Variants in MYO7A observed in about 807,000 individuals in gnomAD.
MYO7A encodes unconventional myosin-VIIa.
Under a neutral mutation model 263.8 loss-of-function variants are expected in MYO7A, and 210 were observed. The ratio of observed to expected loss-of-function variants is 0.80; its 90% CI spans 0.71 to 0.89. The LOEUF (loss-of-function observed/expected upper bound fraction) is 0.89. MYO7A is among the 40% of genes least tolerant of loss of function. The pLI is 0.00. For synonymous variants in MYO7A, 1,239 were observed against 1,197.3 expected, an observed-to-expected ratio of 1.03 and a Z score of -0.72; for missense variants, 2,820 against 2,968.3, an observed-to-expected ratio of 0.95 and a Z score of 1.16.
Position 77,133,861 on chromosome 11 carries a change from T to C in MYO7A, c.18+3209T>C, listed in dbSNP as rs142825464. On this transcript the variant is annotated intron_variant, in intron 2 of 48. Transcript: ENST00000409709. ...ATTGACATTTTTTTCTAAAGTACTG[T>C]TTTGATTCTCATTTACTCTTCTGTG... Among the ~76,000 whole-genome samples, 10 of 152,366 alleles carry C rather than the reference T, an allele frequency of 6.6e-5. No homozygotes were observed. The East Asian group carries it at 1.7e-3, about 26-fold the overall frequency.
At position 77,192,961 on chromosome 11, in the gene MYO7A, G is replaced by GGTGATGGTGGAGGTAGTT. The variant is rs1426996955; in HGVS notation, c.4152+701_4152+718dup. Among the ~76,000 whole-genome samples, 8 of 42,090 alleles carry GGTGATGGTGGAGGTAGTT rather than the reference G, an allele frequency of 1.9e-4. 1 individual carries two copies. Among genetic ancestry groups the GGTGATGGTGGAGGTAGTT allele is most frequent in the African/African-American group, 1.0e-3 (8 of 7,898 alleles). 27.6% of individuals were successfully genotyped at this position (42,090 alleles called of 152,430 possible). ...TGATGGTGGAGGTAGTGATGGTGTT[G>GGTGATGGTGGAGGTAGTT]GTGATGGTGGAGGTAGTTGTGATGG... is the stretch of plus-strand genomic sequence containing the variant. On this transcript the variant is annotated intron_variant, in intron 31 of 48. Coordinates refer to ENST00000409709, the MANE Select transcript of MYO7A (RefSeq NM_000260.4).
intron 15 of MYO7A, among the ~76,000 whole-genome samples, chr11:77,166,549 G>A (rs1266607064): frequency 6.6e-6 from 1 of 152,124 alleles, no homozygotes; most frequent in Non-Finnish European, 1.5e-5. Flanking sequence ...TGGCACAGAG[G>A]GCATGTCTGT....
intron 25 of MYO7A, among the ~76,000 whole-genome samples, 168 bp downstream of exon 25, chr11:77,182,768 G>A (rs1451357628): frequency 2.6e-5 from 4 of 152,256 alleles, no homozygotes; most frequent in Non-Finnish European, 2.9e-5. Context: ...ACAAATGTGT[G>A]CAACTTTTAT....
chr11:77,193,750 C>T (rs1297134599), intron 31 of MYO7A, among the ~76,000 whole-genome samples: 1 of 152,148 alleles, frequency 6.6e-6, no homozygotes, highest in Non-Finnish European at 1.5e-5. Context: ...CCCTGGGGAG[C>T]TCTAGGTAGG....
chr11:77,129,893 G>C (rs1242623321), intron 1 of MYO7A, among the ~76,000 whole-genome samples: 1 of 152,220 alleles, frequency 6.6e-6, no homozygotes, highest in Non-Finnish European at 1.5e-5. Context: ...AAGTATAAGG[G>C]TAGGAAAGGG....
rs753630781 is a variant in MYO7A at position 77,192,177 on chromosome 11, T to C, written c.4051T>C (p.Phe1351Leu). ...GAGGCTCTTCTTCCGCAAAGAGGTC[T>C]TCACGCCCTGGCACAGCCCCTCCGA... ...PWRLFFRKEV[F>L]TPWHSPSEDN... Residue 1351 changes from phenylalanine to leucine, a missense_variant, in exon 31 of 49, where the codon TTC becomes CTC. Physicochemically the swap from Phe to Leu is conservative, Grantham distance 22. Transcript: ENST00000409709. 3.1e-6 allele frequency: 5 copies of C among 1,613,904 alleles called. No individual in the cohort carries two copies. The highest frequency in any genetic ancestry group is 4.2e-6 in the Non-Finnish European group (5 of 1,179,914).
At chr11:77,190,591 G>A (rs113932275) in intron 29 of MYO7A, 106 bp from the exon 30 acceptor site, 452 of 1,179,514 alleles carry the variant, frequency 3.8e-4, no homozygotes, top group Non-Finnish European at 4.6e-4. Context: ...TGGGGCCTGG[G>A]GTGCTGGGGC....
At chr11:77,175,561 T>G (rs1371846832) in intron 18 of MYO7A, 97 bp downstream of exon 18, 3 of 1,124,874 alleles carry the variant, frequency 2.7e-6, no homozygotes, top group Non-Finnish European at 4.0e-6. Context: ...TGCTGGGGCT[T>G]TGAGATCCTT....
intron 2 of MYO7A, among the ~76,000 whole-genome samples, chr11:77,134,781 C>CTTTT (rs34558738): frequency 1.6e-5 from 2 of 124,566 alleles, no homozygotes; most frequent in African/African-American, 3.0e-5. Flanking sequence ...TACCACTTAA[C>CTTTT]TTTTTTTTTT....
rs886863100 is a variant in MYO7A, at chr11:77,147,716, G to C, written c.133-82G>C. ...TTACCCGGGTTGGCACTCACCCCGC[G>C]CTCCCGCCCGTCCCGGCCCCTTCCC... is the stretch of plus-strand genomic sequence containing the variant. On this transcript the variant is annotated intron_variant, in intron 3 of 48. Transcript: ENST00000409709. 8.1e-5 allele frequency: 126 copies of C among 1,555,830 alleles called. No homozygotes were observed. The East Asian group carries it at 2.5e-3, about 31-fold the overall frequency.
At chr11:77,182,824 A>C (rs1955363477) in intron 25 of MYO7A, among the ~76,000 whole-genome samples, 1 of 152,274 alleles carries the variant, frequency 6.6e-6, no homozygotes, top group Non-Finnish European at 1.5e-5. Flanking sequence ...ATGGCAGAGC[A>C]GACAGGGGCT....
At position 77,211,238 on chromosome 11, in the gene MYO7A, CGAG is replaced by C; in HGVS notation, c.6144_6146del (p.Glu2048del). On this transcript the variant is annotated inframe_deletion, in exon 45 of 49. Coordinates refer to ENST00000409709, the MANE Select transcript of MYO7A (RefSeq NM_000260.4). ...GGGCGCTGATCTACAGGGTCAAGTTCGAGGAGGACAAGTCCTACTTCCCCAGCA... is the reference window on the plus strand; with the variant it reads ...GGGCGCTGATCTACAGGGTCAAGTTCGAGGACAAGTCCTACTTCCCCAGCA... The C allele has an allele frequency of 6.3e-7, 1 of 1,586,510 alleles. No homozygotes were observed. The highest frequency in any genetic ancestry group is 8.6e-7 in the Non-Finnish European group (1 of 1,166,664).
Position 77,131,146 on chromosome 11 carries a change from C to T in MYO7A, c.18+494C>T, listed in dbSNP as rs542866286. On this transcript the variant is annotated intron_variant, in intron 2 of 48. Transcript: ENST00000409709. Reference sequence around the variant, plus strand: ...CTGAGTCCTCCAGCCCCCCTTCCTACTGAGGGCCACAGTGGCCTCTGACCC... The same window carrying T: ...CTGAGTCCTCCAGCCCCCCTTCCTATTGAGGGCCACAGTGGCCTCTGACCC... Among the ~76,000 whole-genome samples, 9 of 152,364 alleles carry T rather than the reference C, an allele frequency of 5.9e-5. No individual in the cohort carries two copies. The South Asian group carries it at 1.9e-3, about 32-fold the overall frequency.
chr11:77,189,494 G>GA, intron 28 of MYO7A, 24 bp downstream of exon 28: 2 of 1,613,386 alleles, frequency 1.2e-6, no homozygotes, highest in Non-Finnish European at 1.7e-6. Context: ...TGGCCTCCTG[G>GA]AGTGGGAAGG....
At chr11:77,145,911 C>T (rs1465062324) in intron 3 of MYO7A, among the ~76,000 whole-genome samples, 2 of 152,212 alleles carry the variant, frequency 1.3e-5, no homozygotes, top group Non-Finnish European at 2.9e-5. Context: ...TGGGGTCTGT[C>T]CATGACTGAC....
chr11:77,142,111 G>A (rs549585318), intron 2 of MYO7A, among the ~76,000 whole-genome samples: 22 of 152,310 alleles, frequency 1.4e-4, no homozygotes, highest in Non-Finnish European at 2.6e-4. Context: ...TGAGTAGTGC[G>A]AGTCAGGCCC....
rs183468580 is a variant in MYO7A at position 77,207,693 on chromosome 11, A to G, written c.5856+291A>G. On this transcript the variant is annotated intron_variant, in intron 42 of 48. Transcript: ENST00000409709. ...GCCCCAACACACATGTTCTTTCCAT[A>G]TTTGCTTTGACTGGCCCTTAATTGC... is the stretch of plus-strand genomic sequence containing the variant. Among the ~76,000 whole-genome samples, 32 of 152,230 alleles carry G rather than the reference A, an allele frequency of 2.1e-4. No homozygotes were observed. In the South Asian group the frequency reaches 3.1e-3, roughly 15 times the overall value.
At chr11:77,132,817 T>C (rs1190708612) in intron 2 of MYO7A, among the ~76,000 whole-genome samples, 2 of 152,162 alleles carry the variant, frequency 1.3e-5, no homozygotes, top group African/African-American at 4.8e-5. Context: ...ATTTTGCATA[T>C]GATGAAACAG....
chr11:77,189,726 C>T (rs1250730836), intron 28 of MYO7A, among the ~76,000 whole-genome samples: 1 of 152,244 alleles, frequency 6.6e-6, no homozygotes, highest in African/African-American at 2.4e-5. Flanking sequence ...GCACCCTCGT[C>T]TTGGGGCAGG....
Sources: allele counts gnomAD v4.1 joint callset (sites outside exome capture counted in the v4.1 genomes callset), GRCh38; gene constraint gnomAD v4.1.1; transcripts MANE v1.5; gene names NCBI Gene and HGNC (gene_info 2026-07-23, HGNC 2026-07-21).